The following TENM2 variants were observed in gnomAD, a reference collection of about 807,000 sequenced individuals.
The protein encoded by TENM2 is teneurin transmembrane protein 2, also known as teneurin-2.
Under a neutral mutation model 245.2 loss-of-function variants are expected in TENM2, and 52 were observed. That is an observed-to-expected ratio of 0.21 (90% CI 0.17 to 0.27). TENM2 has a LOEUF of 0.27. Ranked by LOEUF, TENM2 falls within the 10% of genes least tolerant of loss-of-function variation. The probability of loss-of-function intolerance (pLI) is 1.00; values close to 1 mark genes in which losing one functional copy is unlikely to be tolerated. For missense variants in TENM2, 3,046 were observed against 3,666.8 expected (o/e 0.83, Z 4.37); for synonymous variants, 1,363 against 1,438.9 (o/e 0.95, Z 1.19).
intron 2 of TENM2, among the ~76,000 whole-genome samples, chr5:167,570,394 A>G (rs1339822327): frequency 6.6e-6 from 1 of 152,222 alleles, no homozygotes. Flanking sequence ...TGGAGAAGAA[A>G]AAAAAAAACC....
intron 2 of TENM2, among the ~76,000 whole-genome samples, chr5:167,772,766 G>C (rs568850505): frequency 6.6e-6 from 1 of 152,138 alleles, no homozygotes; most frequent in Non-Finnish European, 1.5e-5. Context: ...TTAACCAGAA[G>C]AACAAATAAA....
At chr5:167,923,171 A>G (rs1232641268) in intron 3 of TENM2, among the ~76,000 whole-genome samples, 2 of 152,248 alleles carry the variant, frequency 1.3e-5, no homozygotes, top group African/African-American at 2.4e-5. Flanking sequence ...TAAAAATACA[A>G]AAAATTAACT....
rs35699708 is a variant in TENM2, at chr5:167,445,369, A to AGAGAGAGAGAGAGTGAGT, written c.502+69897_502+69898insAGAGAGAGAGAGTGAGTG. Among the ~76,000 whole-genome samples the AGAGAGAGAGAGAGTGAGT allele has an allele frequency of 1.9e-3, 190 of 98,514 alleles. 1 individual carries two copies. Among genetic ancestry groups the AGAGAGAGAGAGAGTGAGT allele is most frequent in the Middle Eastern group, 5.7e-3 (1 of 174 alleles). 64.6% of individuals were successfully genotyped at this position (98,514 alleles called of 152,430 possible). A position where few individuals can be genotyped will look rare whatever the true frequency, so the allele number is the denominator to read the frequency against. ...GAGAGAGAGAGAGAGAGAGAGAGAG[A>AGAGAGAGAGAGAGTGAGT]GTGTCAGGTGTTGTCTTGTTGTTGG... On this transcript the variant is annotated intron_variant, in intron 2 of 28. Transcript: ENST00000518659.
intron 2 of TENM2, among the ~76,000 whole-genome samples, chr5:167,456,812 G>C (rs1393660405): frequency 6.6e-6 from 1 of 152,178 alleles, no homozygotes; most frequent in Non-Finnish European, 1.5e-5. Flanking sequence ...TATGCCATCT[G>C]TTCATCAGGT....
At chr5:167,819,784 A>C (rs1396977107) in intron 2 of TENM2, among the ~76,000 whole-genome samples, 1 of 152,164 alleles carries the variant, frequency 6.6e-6, no homozygotes, top group Non-Finnish European at 1.5e-5. Context: ...AGGAGACTTG[A>C]GGACAGAATC....
chr5:167,165,455 A>T, the TENM2 span: 1 of 152,242 alleles, frequency 6.6e-6, no homozygotes, highest in African/African-American at 2.4e-5. Context: ...CACACGCTCC[A>T]TTGGCTGAGT....
chr5:167,345,748 A>C (rs1325887288), intron 1 of TENM2, among the ~76,000 whole-genome samples: 1 of 152,190 alleles, frequency 6.6e-6, no homozygotes, highest in Non-Finnish European at 1.5e-5. Context: ...AAGAACATGA[A>C]TCAGAATCTC....
chr5:167,198,955 A>G, the TENM2 span, among the ~76,000 whole-genome samples: 56 of 152,048 alleles, frequency 3.7e-4, no homozygotes, highest in African/African-American at 2.4e-5. Context: ...TGGTTAATCA[A>G]TAGATGCCTG....
chr5:167,444,298 T>TACACAC (rs140953889), intron 2 of TENM2, among the ~76,000 whole-genome samples: 2,457 of 150,464 alleles, frequency 0.016, 21 homozygotes, highest in East Asian at 0.024. Flanking sequence ...CACATACACA[T>TACACAC]ACACACACAC....
At chr5:166,980,933 T>G in the TENM2 span, among the ~76,000 whole-genome samples, 1 of 152,232 alleles carries the variant, frequency 6.6e-6, no homozygotes, top group East Asian at 1.9e-4. Flanking sequence ...CAGCAACTTG[T>G]CTATGTGCCA....
intron 4 of TENM2, among the ~76,000 whole-genome samples, chr5:167,974,509 G>A (rs969731637): frequency 5.3e-5 from 8 of 152,154 alleles, no homozygotes; most frequent in Non-Finnish European, 1.0e-4. Flanking sequence ...GGCAGTCTAT[G>A]GGATTCATTG....
chr5:167,955,688 C>G, intron 4 of TENM2, among the ~76,000 whole-genome samples: 1 of 152,136 alleles, frequency 6.6e-6, no homozygotes, highest in East Asian at 1.9e-4. Flanking sequence ...CTGAATATAG[C>G]TAGCCAGTTT....
rs372610272 is a variant in TENM2 at position 167,325,249 on chromosome 5, C to T, written c.226+40186C>T. ...GGCCACTTGACATTTTTAAATAGAG[C>T]GTTTCAGTAAATCACTGAAAATTAG... is the stretch of plus-strand genomic sequence containing the variant. On this transcript the variant is annotated intron_variant, in intron 1 of 28. Coordinates refer to ENST00000518659, the Ensembl canonical transcript of TENM2. Among the ~76,000 whole-genome samples the T allele has an allele frequency of 5.3e-5, 8 of 152,194 alleles. No homozygotes were observed. In the East Asian group the frequency reaches 1.2e-3, roughly 22 times the overall value.
At chr5:167,013,859 C>G in the TENM2 span, among the ~76,000 whole-genome samples, 1 of 152,142 alleles carries the variant, frequency 6.6e-6, no homozygotes, top group African/African-American at 2.4e-5. Flanking sequence ...TGAGGCATAA[C>G]TGATACTAGC....
chr5:167,311,569 T>A (rs887133088), intron 1 of TENM2, among the ~76,000 whole-genome samples: 2 of 152,212 alleles, frequency 1.3e-5, no homozygotes, highest in Non-Finnish European at 2.9e-5. Context: ...TTCCATCTAA[T>A]CTTTTTCCCA....
At chr5:167,101,926 A>T in the TENM2 span, among the ~76,000 whole-genome samples, 4 of 119,498 alleles carry the variant, frequency 3.3e-5, no homozygotes, top group South Asian at 2.6e-4. Flanking sequence ...ATATACAATT[A>T]TATATATATA....
chr5:168,173,522 C>T (rs1210390240), intron 13 of TENM2, among the ~76,000 whole-genome samples: 1 of 152,098 alleles, frequency 6.6e-6, no homozygotes, highest in Non-Finnish European at 1.5e-5. Context: ...TCACCTCTTC[C>T]TAGTTGCAAC....
intron 17 of TENM2, 60 bp downstream of exon 19, chr5:168,200,191 C>A (rs1761810956): frequency 1.3e-6 from 2 of 1,496,802 alleles, no homozygotes; most frequent in South Asian, 2.6e-5. Flanking sequence ...TAATTCGACC[C>A]ATATTTATTG....
chr5:167,199,230 T>G, the TENM2 span, among the ~76,000 whole-genome samples: 1 of 152,072 alleles, frequency 6.6e-6, no homozygotes, highest in South Asian at 2.1e-4. Flanking sequence ...AAGAATTTAT[T>G]GAGTTGCTCT....
Sources: allele counts gnomAD v4.1 joint callset (sites outside exome capture counted in the v4.1 genomes callset), GRCh38; gene constraint gnomAD v4.1.1; transcripts MANE v1.5; gene names NCBI Gene and HGNC (gene_info 2026-07-23, HGNC 2026-07-21).